The following RB1 variants were observed in gnomAD, a reference collection of about 807,000 sequenced individuals.
The protein encoded by RB1 is RB transcriptional corepressor 1, also known as retinoblastoma-associated protein.
In RB1, 18 loss-of-function variants were observed where a neutral mutation model predicts 135.4. The observed-to-expected ratio is 0.13, with a 90% confidence interval of 0.09 to 0.20. The LOEUF is 0.20. Ranked by LOEUF, RB1 falls within the 10% of genes least tolerant of loss-of-function variation. RB1 has a pLI of 1.00. For missense variants in RB1, 868 were observed against 1,110.0 expected (o/e 0.78, Z 3.10); for synonymous variants, 365 against 373.2 (o/e 0.98, Z 0.25).
chr13:48,328,119 A>C (rs1952303529), intron 2 of RB1: 2 of 1,014,042 alleles, frequency 2.0e-6, no homozygotes, highest in South Asian at 2.5e-5. Flanking sequence ...ATGAGATTTT[A>C]TATTCCACTC....
chr13:48,419,100 A>G (rs1330956467), intron 17 of RB1, among the ~76,000 whole-genome samples: 3 of 152,206 alleles, frequency 2.0e-5, no homozygotes, highest in Non-Finnish European at 4.4e-5. Context: ...TCTTAGCACC[A>G]CATCACACTT....
chr13:48,318,998 G>T, intron 2 of RB1: 2 of 731,432 alleles, frequency 2.7e-6, no homozygotes, highest in Non-Finnish European at 4.9e-6. Context: ...TTACATGGGG[G>T]CCGGCAGGGT....
Position 48,473,387 on chromosome 13 carries a change from C to A in RB1, c.2517C>A (p.Phe839Leu). The change falls in exon 24 of 27, where the codon TTC (phenylalanine) becomes TTA (leucine). Residue 839 changes from phenylalanine (F) to leucine (L), a missense_variant. By Grantham distance (22) the Phe-to-Leu change is conservative. Around this residue, in one of 3 missense-constraint regions of RB1, gnomAD observed 196 missense variants for 239.8 expected, o/e 0.82. Coordinates refer to ENST00000267163, the MANE Select transcript of RB1 (RefSeq NM_000321.3). Reference protein sequence around the residue: ...SRILVSIGESFGTSEKFQKIN... With the variant: ...SRILVSIGESLGTSEKFQKIN... ...TCTTAGTATCAATTGGTGAATCATTCGGGGTGAGTATTTTCTTTCTATGAA... is the reference window on the plus strand; with the variant it reads ...TCTTAGTATCAATTGGTGAATCATTAGGGGTGAGTATTTTCTTTCTATGAA... 6.4e-7 allele frequency: 1 copy of A among 1,562,270 alleles called. No individual in the cohort carries two copies. Among genetic ancestry groups the A allele is most frequent in the Non-Finnish European group, 8.8e-7 (1 of 1,134,684 alleles).
At chr13:48,374,006 A>C (rs899652140) in intron 12 of RB1, among the ~76,000 whole-genome samples, 2 of 152,100 alleles carry the variant, frequency 1.3e-5, no homozygotes, top group Admixed American at 1.3e-4. Context: ...CACTCAATCT[A>C]ACTGTTGTTC....
At chr13:48,347,782 A>G (rs1952511064) in intron 4 of RB1, 43 bp from the exon 5 acceptor site, 1 of 1,418,076 alleles carries the variant, frequency 7.1e-7, no homozygotes, top group East Asian at 2.3e-5. Flanking sequence ...TGACTTCTAA[A>G]TTACGAAAAA....
chr13:48,465,381 T>G lies in RB1; in HGVS notation c.2489+13T>G. 1 of 1,580,926 alleles carries G rather than the reference T, an allele frequency of 6.3e-7. No individual in the cohort carries two copies. Among genetic ancestry groups the G allele is most frequent in the Non-Finnish European group, 8.7e-7 (1 of 1,149,898 alleles). ...CTCCAAGATCAAGGTGTGTGTTTTCTCTTTAGGGAAGTAGTAAAGAATGAG... is the reference window on the plus strand; with the variant it reads ...CTCCAAGATCAAGGTGTGTGTTTTCGCTTTAGGGAAGTAGTAAAGAATGAG... On this transcript the variant is annotated intron_variant, in intron 23 of 26. Transcript: ENST00000267163.
rs148041322 is a variant in RB1, at chr13:48,418,044, C to T, written c.1696-34949C>T. Among the ~76,000 whole-genome samples the T allele has an allele frequency of 8.5e-3, 1,294 of 152,224 alleles. 16 individuals carry two copies. Among genetic ancestry groups the T allele is most frequent in the African/African-American group, 0.03 (1,249 of 41,542 alleles). ...AAATACAGAGAACACCACAAAGATA[C>T]TCCTCAAGAAGAGCAACCCCAAGAC... On this transcript the variant is annotated intron_variant, in intron 17 of 26. Coordinates refer to ENST00000267163, the MANE Select transcript of RB1 (RefSeq NM_000321.3).
At chr13:48,314,476 A>T (rs1171607514) in intron 2 of RB1, among the ~76,000 whole-genome samples, 2 of 152,224 alleles carry the variant, frequency 1.3e-5, no homozygotes, top group Non-Finnish European at 2.9e-5. Flanking sequence ...GTAGGTGGAT[A>T]GAAATAAAAT....
At chr13:48,396,295 A>T (rs1948647687) in intron 17 of RB1, among the ~76,000 whole-genome samples, 2 of 152,208 alleles carry the variant, frequency 1.3e-5, no homozygotes, top group African/African-American at 4.8e-5. Flanking sequence ...GTACCAAAAA[A>T]GATAAATAAA....
rs188202611 is a variant in RB1 at position 48,374,736 on chromosome 13, A to T, written c.1215+1244A>T. On this transcript the variant is annotated intron_variant, in intron 12 of 26. Coordinates refer to ENST00000267163, the MANE Select transcript of RB1 (RefSeq NM_000321.3). The stretch of plus-strand genomic sequence containing the variant: ...TCATATCATTTTGAATACTTCCTCC[A>T]ATATTTGGAGTATGTAGGAGTTCTT... Among the ~76,000 whole-genome samples the T allele has an allele frequency of 3.2e-4, 48 of 152,316 alleles. 1 individual carries two copies. In the East Asian group the frequency reaches 7.7e-3, roughly 24 times the overall value.
In RB1 at chr13:48,376,982, A is replaced by C. The variant is rs778296403; in HGVS notation, c.1280A>C (p.Lys427Thr). ...KRVKDIGYIF[K>T]EKFAKAVGQG... ...GTGAAGGATATAGGATACATCTTTA[A>C]AGAGAAATTTGCTAAAGCTGTGGGA... Residue 427 changes from lysine (K) to threonine (T), a missense_variant, in exon 13 of 27, where the codon AAA becomes ACA. Around this residue, in one of 3 missense-constraint regions of RB1, gnomAD observed 641 missense variants for 791.3 expected, o/e 0.81. Transcript: ENST00000267163. 6.2e-7 allele frequency: 1 copy of C among 1,613,868 alleles called. No individual in the cohort carries two copies. The highest frequency in any genetic ancestry group is 2.2e-5 in the East Asian group (1 of 44,812).
intron 6 of RB1, among the ~76,000 whole-genome samples, chr13:48,351,363 A>G (rs907834228): frequency 1.3e-5 from 2 of 151,754 alleles, no homozygotes; most frequent in African/African-American, 4.8e-5. Context: ...TCATATGCTT[A>G]TTGGCTGCAT....
chr13:48,324,642 G>A (rs1488907546), intron 2 of RB1, among the ~76,000 whole-genome samples: 1 of 151,962 alleles, frequency 6.6e-6, no homozygotes, highest in African/African-American at 2.4e-5. Context: ...TCCATGTCTT[G>A]GCTGTTGGGA....
rs926776021 is a variant in RB1, at chr13:48,474,921, G to A, written c.2520+1531G>A. On this transcript the variant is annotated intron_variant, in intron 24 of 26. Coordinates refer to ENST00000267163, the MANE Select transcript of RB1 (RefSeq NM_000321.3). Reference sequence around the variant, plus strand: ...TAATTTTTAAATTTTTATTTTTAGAGACAGTGTCTCACTCTGTCACCTACT... The same window carrying A: ...TAATTTTTAAATTTTTATTTTTAGAAACAGTGTCTCACTCTGTCACCTACT... Among the ~76,000 whole-genome samples, 3 of 151,882 alleles carry A rather than the reference G, an allele frequency of 2.0e-5. No individual in the cohort carries two copies. In the East Asian group the frequency reaches 5.8e-4, roughly 29 times the overall value.
rs1319010638 is a variant in RB1 at position 48,481,598 on chromosome 13, T to C, written c.*1527T>C. 1.7e-5 allele frequency: 4 copies of C among 229,364 alleles called. No homozygotes were observed. Among genetic ancestry groups the C allele is most frequent in the East Asian group, 6.2e-5 (1 of 16,078 alleles). The allele number at this position is 229,364 out of a possible 1,614,324, so 14.2% of individuals were successfully genotyped here. The stretch of plus-strand genomic sequence containing the variant: ...TTTGATAACAATGACACTAGAAAAC[T>C]TGACTCCATTTCATCATTGTTTCTG... On this transcript the variant is annotated 3_prime_UTR_variant, in exon 27 of 27. Transcript: ENST00000267163.
At chr13:48,389,159 A>AAAAAT (rs777883540) in intron 17 of RB1, among the ~76,000 whole-genome samples, 2 of 152,098 alleles carry the variant, frequency 1.3e-5, no homozygotes, top group African/African-American at 4.8e-5. Flanking sequence ...ACTCTGTCTC[A>AAAAAT]AAAATAAAAT....
chr13:48,472,315 GAAGT>G (rs1243798221), intron 23 of RB1, among the ~76,000 whole-genome samples: 2 of 152,080 alleles, frequency 1.3e-5, no homozygotes, highest in Admixed American at 6.6e-5. Flanking sequence ...AGAAAAATAT[GAAGT>G]AAGAAATAAT....
At chr13:48,368,635 T>A (rs1390910799) in intron 11 of RB1, 31 bp downstream of exon 11, 1 of 1,600,404 alleles carries the variant, frequency 6.2e-7, no homozygotes. Flanking sequence ...AATTATATTA[T>A]AATTTTGTTA....
At chr13:48,416,295 G>C (rs1948908508) in intron 17 of RB1, 2 of 152,254 alleles carry the variant, frequency 1.3e-5, no homozygotes, top group South Asian at 2.1e-4. Context: ...GCCAAAGCAG[G>C]GTGGGGCATC....
Sources: gnomAD v4.1 joint callset for allele counts (sites outside exome capture counted in the v4.1 genomes callset) on GRCh38, gnomAD v4.1.1 for gene constraint, gnomAD v4.1.1 regional missense constraint, MANE v1.5 for transcripts, NCBI Gene and HGNC (gene_info 2026-07-23, HGNC 2026-07-21) for gene names.